POU3F3: variants seen among roughly 807,000 people sequenced by gnomAD.
POU3F3 encodes POU class 3 homeobox 3.
Under a neutral mutation model 8.6 loss-of-function variants are expected in POU3F3, and 1 was observed. That is an observed-to-expected ratio of 0.12 (90% CI 0.04 to 0.55). POU3F3 has a LOEUF of 0.55. Ranked by LOEUF, POU3F3 falls within the 20% of genes least tolerant of loss-of-function variation. The probability of loss-of-function intolerance (pLI) is 0.91; values close to 1 mark genes in which losing one functional copy is unlikely to be tolerated. For synonymous variants in POU3F3, 418 were observed against 327.4 expected, an observed-to-expected ratio of 1.28 and a Z score of -2.99; for missense variants, 577 against 690.7, an observed-to-expected ratio of 0.84 and a Z score of 1.84.
At chr2:104,902,379 G>C in the POU3F3 span, among the ~76,000 whole-genome samples, 1 of 152,172 alleles carries the variant, frequency 6.6e-6, no homozygotes, top group South Asian at 2.1e-4. Context: ...AGCCTCTTTA[G>C]AGATCAAAGA....
At position 104,856,160 on chromosome 2, in the gene POU3F3, C is replaced by T. The variant is rs1237906790; in HGVS notation, c.650C>T (p.Pro217Leu). ...ATGGCCGGGGGCCAGCAGCCGCCGC[C>T]GCAGAGTCTGCTCTACTCGCAGCCC... ...PSMAGGQQPP[P>L]QSLLYSQPGG... is the part of the protein sequence containing the mutation. Residue 217 changes from proline to leucine, a missense_variant, in exon 1 of 1, where the codon CCG (proline) becomes CTG (leucine). Pro to Leu is a moderately conservative substitution (Grantham distance 98). This residue lies in a region of POU3F3 where 484 missense variants were observed against 422.6 expected (regional missense o/e 1.15). Coordinates refer to ENST00000361360, the MANE Select transcript of POU3F3 (RefSeq NM_006236.3). The T allele has an allele frequency of 8.0e-7, 1 of 1,255,440 alleles. No homozygotes were observed. Among genetic ancestry groups the T allele is most frequent in the Non-Finnish European group, 1.0e-6 (1 of 1,000,050 alleles). 77.8% of individuals were successfully genotyped at this position (1,255,440 alleles called of 1,614,324 possible).
At chr2:104,913,445 GA>G in the POU3F3 span, among the ~76,000 whole-genome samples, 4 of 152,262 alleles carry the variant, frequency 2.6e-5, no homozygotes, top group African/African-American at 9.6e-5. Flanking sequence ...CTTGGGCACT[GA>G]CTAAGGCCCT....
the POU3F3 span, among the ~76,000 whole-genome samples, chr2:104,864,601 C>G: frequency 2.7e-3 from 404 of 152,234 alleles, 2 homozygotes; most frequent in African/African-American, 9.2e-3. Context: ...TACAAATGTC[C>G]TAGACAAGCC....
chr2:104,877,595 C>T, the POU3F3 span, among the ~76,000 whole-genome samples: 42 of 152,122 alleles, frequency 2.8e-4, no homozygotes, highest in African/African-American at 9.4e-4. Flanking sequence ...GTGTGTGTGG[C>T]CTGGCTGGGA....
In POU3F3 at chr2:104,857,242, A is replaced by G; in HGVS notation, c.*229A>G. ...GGAGGAGAAAACGCGGGAGAAACGG[A>G]CCAAGGAGGCATTTTTGCAGTCCAA... On this transcript the variant is annotated 3_prime_UTR_variant, in exon 1 of 1. Coordinates refer to ENST00000361360, the MANE Select transcript of POU3F3 (RefSeq NM_006236.3). The G allele has an allele frequency of 3.2e-6, 1 of 313,560 alleles. No individual in the cohort carries two copies. Among genetic ancestry groups the G allele is most frequent in the Non-Finnish European group, 4.7e-6 (1 of 213,846 alleles). The allele number at this position is 313,560 out of a possible 1,614,324, so 19.4% of individuals were successfully genotyped here. A position where few individuals can be genotyped will look rare whatever the true frequency, so the allele number is the denominator to read the frequency against.
downstream of POU3F3, among the ~76,000 whole-genome samples, chr2:104,862,495 G>A (rs1336560271): frequency 6.6e-6 from 1 of 152,132 alleles, no homozygotes; most frequent in Non-Finnish European, 1.5e-5. Context: ...GAGGCGGAGG[G>A]GGAGGGGGAC....
rs1441937571 is a variant in POU3F3, at chr2:104,857,063, C to A, written c.*50C>A. 6.7e-5 allele frequency: 90 copies of A among 1,346,574 alleles called. No homozygotes were observed. Among genetic ancestry groups the A allele is most frequent in the Non-Finnish European group, 8.1e-5 (84 of 1,041,714 alleles). The allele number at this position is 1,346,574 out of a possible 1,614,324, so 83.4% of individuals were successfully genotyped here. ...CCGCCGCCGCCGCCGCCTCCGCAGCCGCCGTCAGCACCGCCGCCGCCCCTG... is the reference window on the plus strand; with the variant it reads ...CCGCCGCCGCCGCCGCCTCCGCAGCAGCCGTCAGCACCGCCGCCGCCCCTG... On this transcript the variant is annotated 3_prime_UTR_variant, in exon 1 of 1. Coordinates refer to ENST00000361360, the MANE Select transcript of POU3F3 (RefSeq NM_006236.3).
At chr2:104,927,650 G>C in the POU3F3 span, among the ~76,000 whole-genome samples, 1,698 of 75,924 alleles carry the variant, frequency 0.022, 10 homozygotes, top group Non-Finnish European at 0.032. Context: ...CTGAAAGCTG[G>C]GGCGGGGGAT....
In POU3F3 at chr2:104,856,968, C is replaced by G; in HGVS notation, c.1458C>G (p.Ala486=). 1.2e-6 allele frequency: 2 copies of G among 1,610,874 alleles called. No individual in the cohort carries two copies. Among genetic ancestry groups the G allele is most frequent in the Non-Finnish European group, 1.7e-6 (2 of 1,179,200 alleles). The stretch of plus-strand genomic sequence containing the variant: ...ACTCGCAGGTGGGCACCGTGAGCGC[C>G]GACACGCCGCCGCCTCACCACGGGC... ...DVYSQVGTVS[A]DTPPPHHGLQ... is the part of the protein sequence containing the mutation. The change falls in exon 1 of 1, where the codon GCC becomes GCG. Residue 486 remains alanine (A), a synonymous_variant. Coordinates refer to ENST00000361360, the MANE Select transcript of POU3F3 (RefSeq NM_006236.3).
the POU3F3 span, among the ~76,000 whole-genome samples, chr2:104,882,790 T>C: frequency 6.6e-6 from 1 of 152,094 alleles, no homozygotes; most frequent in Non-Finnish European, 1.5e-5. Context: ...GTTTCGAGAG[T>C]TATGTACACC....
the POU3F3 span, among the ~76,000 whole-genome samples, chr2:104,893,327 G>T: frequency 5.3e-5 from 8 of 152,192 alleles, no homozygotes; most frequent in Admixed American, 5.2e-4. Flanking sequence ...CCTGGGTCTG[G>T]ATGTCACCTT....
chr2:104,904,029 A>G, the POU3F3 span, among the ~76,000 whole-genome samples: 1 of 152,180 alleles, frequency 6.6e-6, no homozygotes, highest in South Asian at 2.1e-4. Flanking sequence ...GAGATGGGGA[A>G]GGTTCCAGAG....
chr2:104,869,590 T>C, the POU3F3 span, among the ~76,000 whole-genome samples: 4 of 152,194 alleles, frequency 2.6e-5, 1 homozygote, highest in Non-Finnish European at 5.9e-5. Flanking sequence ...GGGAGAGCTC[T>C]GGAACTCCCT....
chr2:104,864,400 G>A, the POU3F3 span, among the ~76,000 whole-genome samples: 1 of 152,296 alleles, frequency 6.6e-6, no homozygotes, highest in East Asian at 1.9e-4. Flanking sequence ...GCGTCCCCAA[G>A]TCAGCCTGGA....
At chr2:104,873,437 G>A in the POU3F3 span, among the ~76,000 whole-genome samples, 1 of 152,074 alleles carries the variant, frequency 6.6e-6, no homozygotes. Flanking sequence ...CCGTGAGCGC[G>A]CCCCAGCCCT....
chr2:104,918,770 G>T, the POU3F3 span, among the ~76,000 whole-genome samples: 37 of 152,174 alleles, frequency 2.4e-4, no homozygotes, highest in Admixed American at 1.1e-3. Flanking sequence ...GTGGCACTTT[G>T]TTAGGGTAGC....
At chr2:104,874,152 G>A in the POU3F3 span, among the ~76,000 whole-genome samples, 2 of 152,200 alleles carry the variant, frequency 1.3e-5, no homozygotes, top group East Asian at 3.9e-4. Context: ...CCCCAGGAGA[G>A]CTGAAACCTG....
the POU3F3 span, among the ~76,000 whole-genome samples, chr2:104,884,801 C>CG: frequency 3.7e-4 from 57 of 152,242 alleles, no homozygotes; most frequent in Non-Finnish European, 2.9e-5. Context: ...TCTTAGTGAT[C>CG]GTCTTATTGG....
the POU3F3 span, among the ~76,000 whole-genome samples, chr2:104,905,042 T>A: frequency 1.3e-5 from 2 of 152,208 alleles, no homozygotes; most frequent in East Asian, 3.9e-4. Flanking sequence ...CACAGACAAC[T>A]GCCATCGCAG....
Sources: gnomAD v4.1 joint callset for allele counts (sites outside exome capture counted in the v4.1 genomes callset) on GRCh38, gnomAD v4.1.1 for gene constraint, gnomAD v4.1.1 regional missense constraint, MANE v1.5 for transcripts, NCBI Gene and HGNC (gene_info 2026-07-23, HGNC 2026-07-21) for gene names.